The following DLG2 variants were observed in gnomAD, a reference collection of about 807,000 sequenced individuals.
DLG2 encodes discs large MAGUK scaffold protein 2, also known as disks large homolog 2.
A neutral mutation model predicts 132.5 loss-of-function variants in DLG2; 45 were observed. The observed-to-expected ratio is 0.34, with a 90% confidence interval of 0.27 to 0.44. The LOEUF is 0.44. Among genes scored for constraint, DLG2 ranks in the 20% least tolerant of loss-of-function variants. The pLI, the probability that DLG2 is intolerant of heterozygous loss-of-function variation, is 1.00. For synonymous variants in DLG2, 424 were observed against 419.6 expected (o/e 1.01, Z -0.13); for missense variants, 1,045 against 1,196.9 (o/e 0.87, Z 1.87).
chr11:85,229,618 G>C (rs987057458), intron 4 of DLG2, among the ~76,000 whole-genome samples: 2 of 152,044 alleles, frequency 1.3e-5, no homozygotes, highest in African/African-American at 4.8e-5. Flanking sequence ...AATACCATCT[G>C]ACTCAGCAAT....
intron 6 of DLG2, among the ~76,000 whole-genome samples, chr11:85,001,189 G>A (rs1405477338): frequency 3.3e-5 from 5 of 151,388 alleles, no homozygotes; most frequent in South Asian, 4.2e-4. Flanking sequence ...GATCTCCCAC[G>A]TTCAAGTTAT....
intron 9 of DLG2, among the ~76,000 whole-genome samples, chr11:84,146,925 AG>A (rs1205135277): frequency 2.6e-5 from 4 of 152,014 alleles, no homozygotes; most frequent in Non-Finnish European, 5.9e-5. Context: ...CTCTGCAGGA[AG>A]GCTCATTATT....
At chr11:84,009,278 C>G (rs1049069684) in intron 11 of DLG2, among the ~76,000 whole-genome samples, 1 of 151,872 alleles carries the variant, frequency 6.6e-6, no homozygotes, top group Non-Finnish European at 1.5e-5. Flanking sequence ...TTTTGGCATT[C>G]AAGATGCAAA....
intron 8 of DLG2, among the ~76,000 whole-genome samples, chr11:84,192,235 G>A (rs1472152288): frequency 6.6e-6 from 1 of 152,170 alleles, no homozygotes; most frequent in Non-Finnish European, 1.5e-5. Context: ...GTATATGACA[G>A]TTTCCTTCTA....
chr11:83,520,668 A>AGATAGATAGATAGATAGATAGAT (rs1565616050), intron 21 of DLG2, among the ~76,000 whole-genome samples: 38 of 76,148 alleles, frequency 5.0e-4, no homozygotes, highest in African/African-American at 1.4e-3. Flanking sequence ...GATAGATAGA[A>AGATAGATAGATAGATAGATAGAT]AGAAAGACAG....
chr11:84,884,147 C>T (rs2087828984), intron 6 of DLG2, among the ~76,000 whole-genome samples: 1 of 152,082 alleles, frequency 6.6e-6, no homozygotes, highest in Non-Finnish European at 1.5e-5. Flanking sequence ...TATTTACTCT[C>T]TTGCTTTCCG....
At chr11:85,391,312 C>A (rs1392921487) in intron 3 of DLG2, among the ~76,000 whole-genome samples, 2 of 151,826 alleles carry the variant, frequency 1.3e-5, no homozygotes, top group Non-Finnish European at 2.9e-5. Context: ...TTGCCAACAA[C>A]AAAAAATAGT....
At chr11:83,936,432 C>A (rs767108624) in intron 14 of DLG2, among the ~76,000 whole-genome samples, 1 of 152,198 alleles carries the variant, frequency 6.6e-6, no homozygotes, top group African/African-American at 2.4e-5. Flanking sequence ...TTTGCTTTCC[C>A]GTATGGTTCA....
At chr11:85,416,882 C>G (rs1322766821) in intron 3 of DLG2, among the ~76,000 whole-genome samples, 1 of 152,182 alleles carries the variant, frequency 6.6e-6, no homozygotes, top group African/African-American at 2.4e-5. Context: ...ATAATGTCAT[C>G]TGCAAACAGA....
chr11:84,128,644 T>A (rs758069404), intron 9 of DLG2, among the ~76,000 whole-genome samples: 1 of 152,108 alleles, frequency 6.6e-6, no homozygotes, highest in Non-Finnish European at 1.5e-5. Context: ...CTTTAATATA[T>A]TCAAGATTCC....
intron 6 of DLG2, among the ~76,000 whole-genome samples, chr11:85,002,318 T>C (rs1030379066): frequency 6.6e-6 from 1 of 152,142 alleles, no homozygotes; most frequent in Non-Finnish European, 1.5e-5. Flanking sequence ...AGAAAGGTAT[T>C]ACAAAAATGT....
chr11:84,710,913 T>C (rs1052078661), intron 6 of DLG2, among the ~76,000 whole-genome samples: 5 of 150,738 alleles, frequency 3.3e-5, no homozygotes, highest in Non-Finnish European at 7.4e-5. Flanking sequence ...GACACCATCA[T>C]TTAAATTTAT....
chr11:84,868,559 C>A (rs1218545177), intron 6 of DLG2, among the ~76,000 whole-genome samples: 1 of 152,076 alleles, frequency 6.6e-6, no homozygotes, highest in South Asian at 2.1e-4. Context: ...CTTTTCCCAC[C>A]TCTGTAAAAA....
At chr11:85,033,395 A>G (rs931867798) in intron 6 of DLG2, among the ~76,000 whole-genome samples, 2 of 151,866 alleles carry the variant, frequency 1.3e-5, no homozygotes, top group Admixed American at 6.5e-5. Context: ...GCAAAAAAAA[A>G]AAAAAAAAAA....
At chr11:83,573,696 C>T (rs967143733) in intron 19 of DLG2, among the ~76,000 whole-genome samples, 1 of 152,118 alleles carries the variant, frequency 6.6e-6, no homozygotes, top group Non-Finnish European at 1.5e-5. Context: ...ATTTTAGCAT[C>T]ACCTTTTGCT....
chr11:85,055,246 A>G (rs1360144068), intron 6 of DLG2, among the ~76,000 whole-genome samples: 1 of 152,200 alleles, frequency 6.6e-6, no homozygotes, highest in Non-Finnish European at 1.5e-5. Context: ...CAAACCAGAC[A>G]AAGAGAGAGA....
rs1190286381 is a variant in DLG2 at position 84,139,577 on chromosome 11, AT to A, written c.624+23883del. On this transcript the variant is annotated intron_variant, in intron 9 of 27. Transcript: ENST00000376104. ...CACTATTCTAAGCAGTCTATTTTCTATTTTTGGACTTACTTAGTCGTCACAG... is the reference window on the plus strand; with the variant it reads ...CACTATTCTAAGCAGTCTATTTTCTATTTTGGACTTACTTAGTCGTCACAG... 2.0e-5 allele frequency among the ~76,000 whole-genome samples: 3 copies of A among 152,140 alleles called. No homozygotes were observed. In the East Asian group the frequency reaches 5.8e-4, roughly 29 times the overall value.
At chr11:85,350,719 A>AGATGT (rs1271432921) in intron 3 of DLG2, among the ~76,000 whole-genome samples, 2 of 152,152 alleles carry the variant, frequency 1.3e-5, no homozygotes, top group Non-Finnish European at 2.9e-5. Flanking sequence ...AGATGGTTGT[A>AGATGT]GATGTGTGGT....
chr11:84,779,522 C>T (rs1444469660), intron 6 of DLG2, among the ~76,000 whole-genome samples: 2 of 152,136 alleles, frequency 1.3e-5, no homozygotes, highest in African/African-American at 2.4e-5. Context: ...AATAACTTGA[C>T]TTCCTCCTTT....
Sources: allele counts gnomAD v4.1 joint callset (sites outside exome capture counted in the v4.1 genomes callset), GRCh38; gene constraint gnomAD v4.1.1; transcripts MANE v1.5; gene names NCBI Gene and HGNC (gene_info 2026-07-23, HGNC 2026-07-21).